The following PLA2G4A variants were observed in gnomAD, a reference collection of about 807,000 sequenced individuals.
The protein encoded by PLA2G4A is cytosolic phospholipase A2.
Under a neutral mutation model 81.9 loss-of-function variants are expected in PLA2G4A, and 40 were observed. The ratio of observed to expected loss-of-function variants is 0.49; its 90% CI spans 0.38 to 0.64. The LOEUF (loss-of-function observed/expected upper bound fraction) is 0.64, where lower values mean the gene tolerates loss of function less well. Among genes scored for constraint, PLA2G4A ranks in the 30% least tolerant of loss-of-function variants. PLA2G4A has a pLI of 0.00. For missense variants in PLA2G4A, 715 were observed against 905.1 expected (o/e 0.79, Z 2.69); for synonymous variants, 302 against 296.9 (o/e 1.02, Z -0.18).
intron 1 of PLA2G4A, among the ~76,000 whole-genome samples, chr1:186,842,043 CTTTT>C (rs34496849): frequency 8.6e-6 from 1 of 116,270 alleles, no homozygotes; most frequent in Non-Finnish European, 1.8e-5. Context: ...CATATCATAT[CTTTT>C]TTTTTTTTTT....
At chr1:186,961,819 T>TA (rs1404997408) in intron 14 of PLA2G4A, among the ~76,000 whole-genome samples, 1 of 152,246 alleles carries the variant, frequency 6.6e-6, no homozygotes, top group Non-Finnish European at 1.5e-5. Context: ...TCACTGCATG[T>TA]AAAATTAGAG....
At chr1:186,890,557 T>C (rs1200039738) in intron 3 of PLA2G4A, among the ~76,000 whole-genome samples, 1 of 152,014 alleles carries the variant, frequency 6.6e-6, no homozygotes, top group Non-Finnish European at 1.5e-5. Context: ...TTATGTGAAA[T>C]AGAAAAAACC....
intron 5 of PLA2G4A, among the ~76,000 whole-genome samples, chr1:186,897,554 G>A (rs757354183): frequency 2.0e-5 from 3 of 151,914 alleles, no homozygotes; most frequent in Non-Finnish European, 4.4e-5. Context: ...TGTTGCCCAG[G>A]CTGGAGTGCA....
chr1:186,947,270 A>G (rs535689874), intron 12 of PLA2G4A, among the ~76,000 whole-genome samples: 4 of 152,224 alleles, frequency 2.6e-5, no homozygotes, highest in African/African-American at 4.8e-5. Context: ...TCCTCTTTTT[A>G]TCAAATAAGA....
chr1:186,986,431 T>C (rs566373977), intron 17 of PLA2G4A, among the ~76,000 whole-genome samples: 3 of 152,212 alleles, frequency 2.0e-5, no homozygotes, highest in African/African-American at 4.8e-5. Flanking sequence ...GAGAAACCAA[T>C]TGATAAATTT....
intron 5 of PLA2G4A, 109 bp downstream of exon 5, chr1:186,894,320 GT>G (rs1654259269): frequency 1.5e-6 from 1 of 665,144 alleles, no homozygotes; most frequent in Non-Finnish European, 2.7e-6. Flanking sequence ...TTCATAGAAT[GT>G]TTGCTTTTTA....
chr1:186,897,883 G>A (rs1654395227), intron 5 of PLA2G4A, among the ~76,000 whole-genome samples: 1 of 152,130 alleles, frequency 6.6e-6, no homozygotes, highest in African/African-American at 2.4e-5. Flanking sequence ...TGATACTAAG[G>A]TTTGGGCTTC....
chr1:186,917,186 C>T (rs775684176), intron 7 of PLA2G4A, among the ~76,000 whole-genome samples: 9 of 152,068 alleles, frequency 5.9e-5, no homozygotes, highest in Non-Finnish European at 1.2e-4. Flanking sequence ...GATTCATACG[C>T]GATCACCTGG....
rs1384333713 is a variant in PLA2G4A at position 186,907,010 on chromosome 1, C to T, written c.416+8C>T. 1.4e-6 allele frequency: 2 copies of T among 1,438,092 alleles called. No homozygotes were observed. The highest frequency in any genetic ancestry group is 1.4e-5 in the African/African-American group (1 of 71,460). 89.1% of individuals were successfully genotyped at this position (1,438,092 alleles called of 1,614,324 possible). A position where few individuals can be genotyped will look rare whatever the true frequency, so the allele number is the denominator to read the frequency against. ...AATGTCTCTTGAAGTTTGGTAAGTG[C>T]ATTTATTTAGTTGGATGAGAAATAT... On this transcript the variant is annotated splice_region_variant and intron_variant, in intron 6 of 17. Transcript: ENST00000367466.
chr1:186,875,761 C>T (rs1292126761), intron 3 of PLA2G4A, among the ~76,000 whole-genome samples: 2 of 152,074 alleles, frequency 1.3e-5, no homozygotes, highest in African/African-American at 2.4e-5. Context: ...TTAACCACTG[C>T]AGCATGGTAA....
chr1:186,854,307 CA>C lies in PLA2G4A; in HGVS notation c.-45del. 1 of 1,176,478 alleles carries C rather than the reference CA, an allele frequency of 8.5e-7. No individual in the cohort carries two copies. The highest frequency in any genetic ancestry group is 1.3e-6 in the Non-Finnish European group (1 of 782,244). 72.9% of individuals were successfully genotyped at this position (1,176,478 alleles called of 1,614,324 possible). On this transcript the variant is annotated 5_prime_UTR_variant, in exon 2 of 18. Coordinates refer to ENST00000367466, the MANE Select transcript of PLA2G4A (RefSeq NM_024420.3). Reference sequence around the variant, plus strand: ...GTAGGTTTTAAAGACGCTAGAGTGCCAAAGAAGACTTTGAAGTGTGAAAACA... The same window carrying C: ...GTAGGTTTTAAAGACGCTAGAGTGCCAAGAAGACTTTGAAGTGTGAAAACA...
intron 7 of PLA2G4A, 47 bp from the exon 8 acceptor site, chr1:186,932,716 T>G: frequency 6.3e-7 from 1 of 1,587,408 alleles, no homozygotes. Context: ...GAACTGTATT[T>G]TATGATTTTT....
At chr1:186,861,874 A>G (rs990340110) in intron 2 of PLA2G4A, among the ~76,000 whole-genome samples, 38 of 150,626 alleles carry the variant, frequency 2.5e-4, no homozygotes, top group East Asian at 1.6e-3. Flanking sequence ...TAAAGGAAGG[A>G]CTCCTCCCCA....
At chr1:186,960,043 C>T (rs555273928) in intron 14 of PLA2G4A, among the ~76,000 whole-genome samples, 10 of 152,122 alleles carry the variant, frequency 6.6e-5, no homozygotes, top group Non-Finnish European at 1.5e-4. Flanking sequence ...AGTAAAAGTG[C>T]GCTATTTTTG....
intron 6 of PLA2G4A, among the ~76,000 whole-genome samples, chr1:186,910,368 T>C (rs1274009428): frequency 6.6e-6 from 1 of 152,182 alleles, no homozygotes; most frequent in Non-Finnish European, 1.5e-5. Flanking sequence ...CACTCCAACA[T>C]AGGCTGACAG....
At position 186,834,387 on chromosome 1, in the gene PLA2G4A, CT is replaced by C. The variant is rs1187201948; in HGVS notation, c.-70+5360del. On this transcript the variant is annotated intron_variant, in intron 1 of 17. Coordinates refer to ENST00000367466, the MANE Select transcript of PLA2G4A (RefSeq NM_024420.3). The stretch of plus-strand genomic sequence containing the variant: ...CTATTGAAAAGTCAAACGTTTTTTT[CT>C]TTTTTTTAATGTCTGCCTTATGATT... Among the ~76,000 whole-genome samples, 9 of 150,992 alleles carry C rather than the reference CT, an allele frequency of 6.0e-5. No homozygotes were observed. In the South Asian group the frequency reaches 1.3e-3, roughly 21 times the overall value.
chr1:186,852,184 T>A (rs1262716471), intron 1 of PLA2G4A, among the ~76,000 whole-genome samples: 3 of 151,982 alleles, frequency 2.0e-5, no homozygotes. Flanking sequence ...AAACCTGCCT[T>A]CATAGAATTT....
chr1:186,830,974 CTT>C lies in PLA2G4A; in HGVS notation c.-70+1941_-70+1942del, dbSNP rs775200986. On this transcript the variant is annotated intron_variant, in intron 1 of 17. Transcript: ENST00000367466. Reference sequence around the variant, plus strand: ...GCTTGCTTGCTTTCTTTCTTTCTTTCTTTCTTTCTTTCTTTCTTTCTTTCTTT... The same window carrying C: ...GCTTGCTTGCTTTCTTTCTTTCTTTCTCTTTCTTTCTTTCTTTCTTTCTTT... Among the ~76,000 whole-genome samples the C allele has an allele frequency of 6.5e-3, 890 of 137,142 alleles. 16 individuals are homozygous for C. The highest frequency in any genetic ancestry group is 0.035 in the East Asian group (157 of 4,502). The allele number at this position is 137,142 out of a possible 152,430, so 90.0% of individuals were successfully genotyped here. A position where few individuals can be genotyped will look rare whatever the true frequency, so the allele number is the denominator to read the frequency against.
intron 8 of PLA2G4A, 90 bp from the exon 9 acceptor site, chr1:186,938,918 A>T: frequency 1.3e-6 from 1 of 767,632 alleles, no homozygotes; most frequent in South Asian, 1.4e-5. Context: ...TATGTCCACC[A>T]TGCTTTATTT....
Sources: allele counts gnomAD v4.1 joint callset (sites outside exome capture counted in the v4.1 genomes callset), GRCh38; gene constraint gnomAD v4.1.1; transcripts MANE v1.5; gene names NCBI Gene and HGNC (gene_info 2026-07-23, HGNC 2026-07-21).